Variants in MTA3 observed in about 807,000 individuals in gnomAD.
MTA3 encodes the protein metastasis-associated protein MTA3.
MTA3 carries 34 observed loss-of-function variants against 83.5 expected under a neutral mutation model. That is an observed-to-expected ratio of 0.41 (90% CI 0.31 to 0.54). The LOEUF (loss-of-function observed/expected upper bound fraction) is 0.54. Among genes scored for constraint, MTA3 ranks in the 20% least tolerant of loss-of-function variants. MTA3 has a pLI of 0.33. For missense variants in MTA3, 761 were observed against 726.4 expected, an observed-to-expected ratio of 1.05 and a Z score of -0.55; for synonymous variants, 303 against 252.7, an observed-to-expected ratio of 1.20 and a Z score of -1.89.
intron 2 of MTA3, among the ~76,000 whole-genome samples, chr2:42,519,777 C>T (rs567641512): frequency 4.6e-5 from 7 of 151,986 alleles, no homozygotes; most frequent in Non-Finnish European, 8.8e-5. Context: ...GGGCCGGTTA[C>T]GGTGGCTCAC....
intron 13 of MTA3, 74 bp from the exon 14 acceptor site, chr2:42,708,800 T>C (rs1413204251): frequency 6.7e-7 from 1 of 1,502,774 alleles, no homozygotes; most frequent in East Asian, 2.3e-5. Context: ...ACTTTTCTTT[T>C]GAGCATGATG....
At chr2:42,747,005 TG>T (rs1438666215) in intron 16 of MTA3, among the ~76,000 whole-genome samples, 1 of 146,480 alleles carries the variant, frequency 6.8e-6, no homozygotes, top group Non-Finnish European at 1.5e-5. Context: ...GTTCTAATTT[TG>T]TTTTTTTTTT....
At chr2:42,533,600 G>A (rs1300836199) in intron 2 of MTA3, among the ~76,000 whole-genome samples, 25 of 148,420 alleles carry the variant, frequency 1.7e-4, no homozygotes, top group African/African-American at 6.1e-4. Flanking sequence ...TTGGGAGGCC[G>A]AGGTGGGCGG....
intron 9 of MTA3, among the ~76,000 whole-genome samples, chr2:42,690,913 G>T (rs1175667530): frequency 1.4e-5 from 2 of 146,104 alleles, no homozygotes; most frequent in South Asian, 4.3e-4. Context: ...GTCTCACTCT[G>T]TTGCCCAAGC....
chr2:42,693,588 C>T (rs762229583), intron 9 of MTA3, among the ~76,000 whole-genome samples: 3 of 152,134 alleles, frequency 2.0e-5, no homozygotes, highest in Middle Eastern at 3.2e-3. Flanking sequence ...AGCCCATGGG[C>T]TCTTCATTTT....
intron 16 of MTA3, among the ~76,000 whole-genome samples, chr2:42,751,814 C>T (rs1359258044): frequency 6.6e-6 from 1 of 152,158 alleles, no homozygotes; most frequent in East Asian, 1.9e-4. Flanking sequence ...AATGACAGAG[C>T]TCCTGCTCCA....
At chr2:42,633,634 G>A (rs1686898698) in intron 4 of MTA3, among the ~76,000 whole-genome samples, 1 of 151,856 alleles carries the variant, frequency 6.6e-6, no homozygotes, top group Non-Finnish European at 1.5e-5. Flanking sequence ...GCTCATGCCT[G>A]TAATCCCAGC....
intron 4 of MTA3, among the ~76,000 whole-genome samples, chr2:42,620,700 C>T (rs1246510135): frequency 2.6e-5 from 4 of 152,000 alleles, no homozygotes; most frequent in African/African-American, 9.7e-5. Context: ...GCTATGTTGC[C>T]CAGGTTGTTT....
chr2:42,523,227 G>A (rs578049313), intron 2 of MTA3, among the ~76,000 whole-genome samples: 3 of 152,252 alleles, frequency 2.0e-5, no homozygotes, highest in Non-Finnish European at 4.4e-5. Flanking sequence ...CATGGGGTTG[G>A]ATAGCTAGAT....
At chr2:42,701,467 C>T (rs1665551052) in intron 11 of MTA3, among the ~76,000 whole-genome samples, 1 of 143,822 alleles carries the variant, frequency 7.0e-6, no homozygotes, top group African/African-American at 2.6e-5. Context: ...CATGGTGGCA[C>T]ACACCTGCAG....
chr2:42,685,134 A>G (rs1184023116), intron 9 of MTA3, among the ~76,000 whole-genome samples: 1 of 152,226 alleles, frequency 6.6e-6, no homozygotes, highest in African/African-American at 2.4e-5. Context: ...TGTGAACTGT[A>G]GGTTAGTGCA....
At chr2:42,735,237 T>G (rs1194613377) in intron 16 of MTA3, among the ~76,000 whole-genome samples, 1 of 152,222 alleles carries the variant, frequency 6.6e-6, no homozygotes, top group Non-Finnish European at 1.5e-5. Context: ...CTGGATATAC[T>G]ATTCTAAGAT....
chr2:42,612,022 C>T (rs1262922997), intron 4 of MTA3, among the ~76,000 whole-genome samples: 1 of 152,030 alleles, frequency 6.6e-6, no homozygotes, highest in African/African-American at 2.4e-5. Flanking sequence ...TAAGTATATT[C>T]TGTATAACTT....
chr2:42,673,104 C>G (rs1367409683), intron 8 of MTA3, among the ~76,000 whole-genome samples: 2 of 151,920 alleles, frequency 1.3e-5, no homozygotes, highest in African/African-American at 2.4e-5. Flanking sequence ...CCGCCCCCCT[C>G]TGACCTCCCA....
intron 3 of MTA3, among the ~76,000 whole-genome samples, chr2:42,586,763 G>A (rs1488501225): frequency 2.0e-5 from 3 of 152,132 alleles, no homozygotes; most frequent in Admixed American, 1.3e-4. Context: ...GGTGGCTAAC[G>A]CCTGTAATCC....
At chr2:42,714,633 A>G (rs1438607171) in intron 14 of MTA3, among the ~76,000 whole-genome samples, 2 of 152,208 alleles carry the variant, frequency 1.3e-5, no homozygotes, top group Non-Finnish European at 2.9e-5. Context: ...ACCCCAAGGA[A>G]ATATAGATCA....
intron 9 of MTA3, among the ~76,000 whole-genome samples, chr2:42,687,974 G>T (rs1366363044): frequency 6.6e-6 from 1 of 152,236 alleles, no homozygotes; most frequent in East Asian, 1.9e-4. Flanking sequence ...GTCAAAGGCA[G>T]TCGCTACTGA....
chr2:42,641,855 A>T lies in MTA3; in HGVS notation c.381+1619A>T, dbSNP rs367559602. Among the ~76,000 whole-genome samples the T allele has an allele frequency of 4.7e-4, 71 of 152,010 alleles. 3 individuals are homozygous for T. The South Asian group carries it at 0.015, about 31-fold the overall frequency. On this transcript the variant is annotated intron_variant, in intron 5 of 16. Transcript: ENST00000405094. Reference sequence around the variant, plus strand: ...TACCTCTAGTCTGGGTGACAGAGTGAGACCTTGTCTTAAAAAAAAAAAATA... The same window carrying T: ...TACCTCTAGTCTGGGTGACAGAGTGTGACCTTGTCTTAAAAAAAAAAAATA...
intron 2 of MTA3, among the ~76,000 whole-genome samples, chr2:42,510,187 A>C (rs1473109319): frequency 6.6e-6 from 1 of 151,846 alleles, no homozygotes; most frequent in African/African-American, 2.4e-5. Flanking sequence ...TTAGCTGGGC[A>C]TGGTGGCACA....
Sources: allele counts gnomAD v4.1 joint callset (sites outside exome capture counted in the v4.1 genomes callset), GRCh38; gene constraint gnomAD v4.1.1; transcripts MANE v1.5; gene names NCBI Gene and HGNC (gene_info 2026-07-23, HGNC 2026-07-21).